Variants in KIAA1328 observed in about 807,000 individuals in gnomAD.
KIAA1328 encodes the protein KIAA1328, also known as protein hinderin.
Under a neutral mutation model 68.1 loss-of-function variants are expected in KIAA1328, and 52 were observed. That is an observed-to-expected ratio of 0.76 (90% confidence interval 0.61 to 0.96). The LOEUF (loss-of-function observed/expected upper bound fraction) is 0.96. Ranked by LOEUF, KIAA1328 falls within the 40% of genes least tolerant of loss-of-function variation. The pLI is 0.00. For synonymous variants in KIAA1328, 232 were observed against 239.4 expected (o/e 0.97, Z 0.28); for missense variants, 641 against 677.6 (o/e 0.95, Z 0.60).
chr18:37,074,194 G>A (rs1051291679), intron 7 of KIAA1328, among the ~76,000 whole-genome samples: 1 of 152,166 alleles, frequency 6.6e-6, no homozygotes, highest in Non-Finnish European at 1.5e-5. Context: ...GACAGAGAGA[G>A]CAGGCTGTTT....
At chr18:37,192,657 G>A (rs77408336) in intron 9 of KIAA1328, among the ~76,000 whole-genome samples, 8,109 of 152,184 alleles carry the variant, frequency 0.053, 247 homozygotes, top group Non-Finnish European at 0.066. Context: ...TACAATCAAG[G>A]TTAGGATCTG....
In KIAA1328 at chr18:36,877,023, G is replaced by T. The variant is rs180787065; in HGVS notation, c.333-8534G>T. On this transcript the variant is annotated intron_variant, in intron 4 of 9. Coordinates refer to ENST00000280020, the MANE Select transcript of KIAA1328 (RefSeq NM_020776.3). The stretch of plus-strand genomic sequence containing the variant: ...CTTAATCCTGAGTTCTAATTTGATT[G>T]CACTGTGGTCTGTGAGACTGTTTAT... Among the ~76,000 whole-genome samples the T allele has an allele frequency of 2.6e-4, 40 of 152,272 alleles. 1 individual carries two copies. The highest frequency in any genetic ancestry group is 2.5e-3 in the Admixed American group (38 of 15,300).
At chr18:36,936,290 A>G (rs1003406214) in intron 5 of KIAA1328, among the ~76,000 whole-genome samples, 2 of 151,986 alleles carry the variant, frequency 1.3e-5, no homozygotes, top group African/African-American at 4.8e-5. Context: ...ACCCACCCCC[A>G]ACAGGCCCTG....
At chr18:36,984,562 C>T (rs1215927842) in intron 6 of KIAA1328, among the ~76,000 whole-genome samples, 1 of 151,976 alleles carries the variant, frequency 6.6e-6, no homozygotes, top group Non-Finnish European at 1.5e-5. Context: ...TGTCAAAGAC[C>T]TAGACACTTA....
At chr18:36,958,578 T>A (rs1366079730) in intron 5 of KIAA1328, among the ~76,000 whole-genome samples, 2 of 152,200 alleles carry the variant, frequency 1.3e-5, no homozygotes, top group Non-Finnish European at 2.9e-5. Context: ...TTATTTACAT[T>A]TCCCTAATGG....
intron 6 of KIAA1328, among the ~76,000 whole-genome samples, chr18:36,989,880 G>C (rs2053102986): frequency 6.6e-6 from 1 of 151,988 alleles, no homozygotes; most frequent in Non-Finnish European, 1.5e-5. Context: ...ATTTTTAGTA[G>C]AGACGAGGTT....
At chr18:36,938,568 T>C (rs2050589769) in intron 5 of KIAA1328, among the ~76,000 whole-genome samples, 1 of 152,188 alleles carries the variant, frequency 6.6e-6, no homozygotes, top group South Asian at 2.1e-4. Context: ...CTCTGTTGTT[T>C]CCTTTCCTGT....
At chr18:37,086,218 G>A (rs1424210956) in intron 7 of KIAA1328, among the ~76,000 whole-genome samples, 1 of 152,162 alleles carries the variant, frequency 6.6e-6, no homozygotes, top group Non-Finnish European at 1.5e-5. Flanking sequence ...TACTAAGAGG[G>A]TAGATGCTAA....
chr18:36,969,855 T>G (rs1394330053), intron 6 of KIAA1328, among the ~76,000 whole-genome samples: 1 of 151,162 alleles, frequency 6.6e-6, no homozygotes, highest in Non-Finnish European at 1.5e-5. Flanking sequence ...CTAGACAGAT[T>G]CACAGCTGAA....
chr18:37,126,312 A>G (rs1047437321), intron 7 of KIAA1328, among the ~76,000 whole-genome samples: 2 of 152,208 alleles, frequency 1.3e-5, no homozygotes, highest in Non-Finnish European at 2.9e-5. Context: ...AACCTGTCAT[A>G]TAAACAACTT....
intron 7 of KIAA1328, among the ~76,000 whole-genome samples, chr18:37,142,550 CTT>C (rs1599409407): frequency 6.6e-6 from 1 of 151,954 alleles, no homozygotes; most frequent in African/African-American, 2.4e-5. Context: ...CTGAAAAAAA[CTT>C]TTTTCTTCAC....
At chr18:37,013,381 C>T (rs2054042510) in intron 6 of KIAA1328, among the ~76,000 whole-genome samples, 1 of 151,986 alleles carries the variant, frequency 6.6e-6, no homozygotes, top group African/African-American at 2.4e-5. Context: ...TTATGGGGTA[C>T]ATGTGCAAGT....
intron 8 of KIAA1328, among the ~76,000 whole-genome samples, chr18:37,161,904 A>G (rs1676109117): frequency 6.6e-6 from 1 of 152,268 alleles, no homozygotes; most frequent in South Asian, 2.1e-4. Context: ...TGAGAAAGAT[A>G]TCATCAGGCC....
At chr18:36,973,664 T>C (rs1272616181) in intron 6 of KIAA1328, among the ~76,000 whole-genome samples, 1 of 152,020 alleles carries the variant, frequency 6.6e-6, no homozygotes, top group African/African-American at 2.4e-5. Flanking sequence ...AAATAATTAC[T>C]CAGTGAAATA....
intron 6 of KIAA1328, among the ~76,000 whole-genome samples, chr18:36,973,061 C>T (rs970201198): frequency 6.6e-6 from 1 of 152,070 alleles, no homozygotes; most frequent in African/African-American, 2.4e-5. Flanking sequence ...CTTTTTAAGA[C>T]TTGGAACCAA....
chr18:37,023,818 A>G (rs2629958), intron 6 of KIAA1328, among the ~76,000 whole-genome samples: 90,526 of 151,832 alleles, frequency 0.6, 28,828 homozygotes, highest in East Asian at 0.87. Flanking sequence ...TCCAACTTAC[A>G]TTTTAGGTTC....
chr18:36,913,371 T>A (rs114528764), intron 5 of KIAA1328, among the ~76,000 whole-genome samples: 6,024 of 143,840 alleles, frequency 0.042, 430 homozygotes, highest in African/African-American at 0.15. Context: ...AAAAAAAAAA[T>A]TTTTTAAGAA....
chr18:37,071,607 G>A (rs990620432), intron 7 of KIAA1328, among the ~76,000 whole-genome samples: 6 of 152,176 alleles, frequency 3.9e-5, no homozygotes, highest in Non-Finnish European at 5.9e-5. Flanking sequence ...ACCAGAGGAT[G>A]TGCAAAGATT....
At chr18:37,180,058 CCACA>C (rs139301794) in intron 9 of KIAA1328, among the ~76,000 whole-genome samples, 14,183 of 133,914 alleles carry the variant, frequency 0.11, 728 homozygotes, top group East Asian at 0.18. Context: ...GATTCAAAAG[CCACA>C]CACACACACA....
Sources: gnomAD v4.1 joint callset for allele counts (sites outside exome capture counted in the v4.1 genomes callset) on GRCh38, gnomAD v4.1.1 for gene constraint, MANE v1.5 for transcripts, NCBI Gene and HGNC (gene_info 2026-07-23, HGNC 2026-07-21) for gene names.